Variants in KDM6A observed in about 807,000 individuals in gnomAD.
The protein encoded by KDM6A is lysine-specific demethylase 6A.
Under a neutral mutation model 117.6 loss-of-function variants are expected in KDM6A, and 11 were observed. That is an observed-to-expected ratio of 0.09 (90% CI 0.06 to 0.15). KDM6A has a LOEUF of 0.15. Among genes scored for constraint, KDM6A ranks in the 10% least tolerant of loss-of-function variants. The pLI, the probability that KDM6A is intolerant of heterozygous loss-of-function variation, is 1.00. For synonymous variants in KDM6A, 384 were observed against 396.1 expected (o/e 0.97, Z 0.36); for missense variants, 799 against 1,077.3 (o/e 0.74, Z 3.62).
At chrX:45,094,103 T>C (rs1353170392) in intron 27 of KDM6A, among the ~76,000 whole-genome samples, 1 of 111,719 alleles carries the variant, frequency 9.0e-6, no homozygotes, top group Non-Finnish European at 1.9e-5. Context: ...ATAATTGTCA[T>C]TGAGCCATTG....
intron 2 of KDM6A, among the ~76,000 whole-genome samples, chrX:44,954,872 C>T (rs1033163007): frequency 4.5e-5 from 5 of 110,533 alleles, no homozygotes; most frequent in African/African-American, 9.9e-5. Flanking sequence ...CGGTGTAGTA[C>T]GGGCATTCAT....
At chrX:45,042,424 A>C (rs1011628699) in intron 8 of KDM6A, among the ~76,000 whole-genome samples, 2 of 110,122 alleles carry the variant, frequency 1.8e-5, no homozygotes, top group African/African-American at 6.7e-5. Flanking sequence ...TTAAAAAAAA[A>C]CTCTACACCA....
At chrX:45,029,755 A>G (rs1426352313) in intron 6 of KDM6A, among the ~76,000 whole-genome samples, 3 of 111,686 alleles carry the variant, frequency 2.7e-5, no homozygotes, top group African/African-American at 9.8e-5. Context: ...TGCTCACTAG[A>G]TAGAAATACC....
intron 4 of KDM6A, among the ~76,000 whole-genome samples, chrX:45,002,862 C>CCCCT (rs1556067251): frequency 6.0e-3 from 186 of 31,231 alleles, no homozygotes; most frequent in African/African-American, 0.037. Flanking sequence ...CCCCTCCCCG[C>CCCCT]CCCCCCCCCC....
At chrX:44,873,866 G>C (rs1601997002) in intron 1 of KDM6A, 58 bp from the exon 2 acceptor site, 24 of 1,176,437 alleles carry the variant, frequency 2.0e-5, no homozygotes, top group East Asian at 1.5e-4. Flanking sequence ...GGCTCGGGCA[G>C]GGACGGGTCG....
intron 3 of KDM6A, among the ~76,000 whole-genome samples, chrX:44,970,897 T>C (rs1456981553): frequency 3.6e-5 from 4 of 111,777 alleles, no homozygotes; most frequent in Middle Eastern, 4.6e-3. Flanking sequence ...GTTGGTAATA[T>C]ATGCTTCCTT....
chrX:45,076,300 C>T (rs2045110589), intron 18 of KDM6A, among the ~76,000 whole-genome samples: 2 of 111,219 alleles, frequency 1.8e-5, no homozygotes, highest in Non-Finnish European at 3.8e-5. Flanking sequence ...GGAAAAGAGA[C>T]ATTCTGTTTT....
intron 2 of KDM6A, among the ~76,000 whole-genome samples, chrX:44,938,250 G>T (rs2037092818): frequency 9.0e-6 from 1 of 111,701 alleles, no homozygotes; most frequent in Non-Finnish European, 1.9e-5. Flanking sequence ...ATGAGCCACC[G>T]CACCTGACCG....
intron 8 of KDM6A, among the ~76,000 whole-genome samples, chrX:45,041,351 G>T (rs2043180300): frequency 1.1e-5 from 1 of 91,109 alleles, no homozygotes; most frequent in Non-Finnish European, 2.2e-5. Flanking sequence ...GGGCAGAGGG[G>T]CTCCTCACTT....
rs1413994357 is a variant in KDM6A at position 45,059,054 on chromosome X, G to A, written c.924G>A (p.Arg308=). Residue 308 remains arginine (R), a synonymous_variant, in exon 11 of 30, where the codon AGG becomes AGA. Transcript: ENST00000611820. ...GKVQDAFISY[R]QSIDKSEASA... ...TTCAGGATGCCTTTATATCTTACAG[G>A]CAGTCTATTGATAAATCAGAAGCAA... 1 of 1,207,877 alleles carries A rather than the reference G, an allele frequency of 8.3e-7. No individual in the cohort carries two copies. Among genetic ancestry groups the A allele is most frequent in the Non-Finnish European group, 1.1e-6 (1 of 894,071 alleles).
At position 45,061,374 on chromosome X, in the gene KDM6A, A is replaced by T; in HGVS notation, c.1536A>T (p.Val512=). Residue 512 remains valine, a synonymous_variant, in exon 15 of 30, where the codon GTA becomes GTT. Transcript: ENST00000611820. ...SGGHAVSHPP[V]QQQAHSWCLT... ...GACATGCTGTGTCACATCCTCCAGT[A>T]CAGCAACAAGCTCATTCATGGTGTT... is the stretch of plus-strand genomic sequence containing the variant. 8.4e-7 allele frequency: 1 copy of T among 1,186,150 alleles called. No individual in the cohort carries two copies. The highest frequency in any genetic ancestry group is 1.1e-6 in the Non-Finnish European group (1 of 874,337).
intron 27 of KDM6A, among the ~76,000 whole-genome samples, chrX:45,094,946 T>C (rs975434234): frequency 9.0e-6 from 1 of 111,557 alleles, no homozygotes; most frequent in African/African-American, 3.3e-5. Context: ...TGTACCAAAC[T>C]TAAGACTTTC....
chrX:44,942,680 A>G, intron 2 of KDM6A, among the ~76,000 whole-genome samples: 1 of 109,450 alleles, frequency 9.1e-6, no homozygotes, highest in Admixed American at 9.9e-5. Context: ...ATAAATATAT[A>G]TAAATAAAAA....
intron 27 of KDM6A, among the ~76,000 whole-genome samples, chrX:45,098,887 A>G: frequency 8.9e-6 from 1 of 111,957 alleles, no homozygotes; most frequent in Non-Finnish European, 1.9e-5. Context: ...TAAAATATAT[A>G]AAATTTACAT....
At chrX:44,955,399 T>A (rs917114759) in intron 2 of KDM6A, among the ~76,000 whole-genome samples, 3 of 111,311 alleles carry the variant, frequency 2.7e-5, no homozygotes, top group African/African-American at 9.8e-5. Context: ...TAGCAGCCAA[T>A]AAAAGTGACC....
At chrX:44,876,857 GTATACATATATACACACGTGTACA>G (rs1247648359) in intron 2 of KDM6A, among the ~76,000 whole-genome samples, 3 of 110,003 alleles carry the variant, frequency 2.7e-5, no homozygotes, top group Admixed American at 9.8e-5. Flanking sequence ...ACATATGTAC[GTATACATATATACACACGTGTACA>G]TATACATATA....
chrX:44,927,414 C>G (rs755531951), intron 2 of KDM6A, among the ~76,000 whole-genome samples: 8 of 110,650 alleles, frequency 7.2e-5, no homozygotes, highest in Non-Finnish European at 1.3e-4. Flanking sequence ...CTGCCTGAAG[C>G]TGCAGTGTTG....
intron 27 of KDM6A, among the ~76,000 whole-genome samples, chrX:45,104,720 T>C (rs964617159): frequency 9.0e-6 from 1 of 111,402 alleles, no homozygotes; most frequent in African/African-American, 3.3e-5. Context: ...GTTAAAAAAG[T>C]AAAGGCAAGC....
chrX:44,985,488 A>T (rs1442227168), intron 4 of KDM6A, among the ~76,000 whole-genome samples: 1 of 111,660 alleles, frequency 9.0e-6, no homozygotes, highest in Non-Finnish European at 1.9e-5. Flanking sequence ...GTCTTGTGCC[A>T]GTATTCAAAG....
Sources: allele counts gnomAD v4.1 joint callset (sites outside exome capture counted in the v4.1 genomes callset), GRCh38; gene constraint gnomAD v4.1.1; transcripts MANE v1.5; gene names NCBI Gene and HGNC (gene_info 2026-07-23, HGNC 2026-07-21).